The following PDE4C variants were observed in gnomAD, a reference collection of about 807,000 sequenced individuals.
PDE4C encodes phosphodiesterase 4C, also known as 3',5'-cyclic-AMP phosphodiesterase 4C.
Under a neutral mutation model 63.9 loss-of-function variants are expected in PDE4C, and 50 were observed. That is an observed-to-expected ratio of 0.78 (90% CI 0.62 to 0.99). PDE4C has a LOEUF of 0.99. PDE4C is among the 50% of genes least tolerant of loss of function. The probability of loss-of-function intolerance (pLI) is 0.00; values close to 1 mark genes in which losing one functional copy is unlikely to be tolerated. For synonymous variants in PDE4C, 377 were observed against 385.1 expected, an observed-to-expected ratio of 0.98 and a Z score of 0.25; for missense variants, 777 against 899.1, an observed-to-expected ratio of 0.86 and a Z score of 1.74.
At chr19:18,214,270 C>T (rs1404633835) in intron 12 of PDE4C, among the ~76,000 whole-genome samples, 1 of 151,614 alleles carries the variant, frequency 6.6e-6, no homozygotes, top group Non-Finnish European at 1.5e-5. Flanking sequence ...AAAAAAATAA[C>T]CCATCCTCTA....
At position 18,220,639 on chromosome 19, in the gene PDE4C, G is replaced by C; in HGVS notation, c.500-124C>G. On this transcript the variant is annotated intron_variant, in intron 5 of 14. Coordinates refer to ENST00000262805, the Ensembl canonical transcript of PDE4C. The surrounding 1 kb of genome is among the most constrained non-coding windows in gnomAD (Gnocchi z 5.1). ...CCACGGGGGCCACCCAGGACTCCTGGACCCAAGTTCCAGATCTGTTCCCCG... is the reference window on the plus strand; with the variant it reads ...CCACGGGGGCCACCCAGGACTCCTGCACCCAAGTTCCAGATCTGTTCCCCG... The C allele has an allele frequency of 2.2e-6, 2 of 895,674 alleles. No individual in the cohort carries two copies. The highest frequency in any genetic ancestry group is 2.4e-5 in the Admixed American group (1 of 42,492). The allele number at this position is 895,674 out of a possible 1,614,324, so 55.5% of individuals were successfully genotyped here.
chr19:18,253,815 G>C, the PDE4C span, among the ~76,000 whole-genome samples: 19 of 152,316 alleles, frequency 1.2e-4, no homozygotes, highest in Admixed American at 7.2e-4. Flanking sequence ...ACCAGGCTGA[G>C]GGCAGGTAAG....
At chr19:18,252,184 AG>A (rs1435426969), upstream of PDE4C, 10 of 398,788 alleles carry the variant, frequency 2.5e-5, no homozygotes, top group East Asian at 3.2e-4. Context: ...GAATGGGAAG[AG>A]GGGGTGAGCT....
chr19:18,220,619 G>A lies in PDE4C; in HGVS notation c.500-104C>T. 9.4e-7 allele frequency: 1 copy of A among 1,063,582 alleles called. No homozygotes were observed. The allele number at this position is 1,063,582 out of a possible 1,614,324, so 65.9% of individuals were successfully genotyped here. On this transcript the variant is annotated intron_variant, in intron 5 of 14. Transcript: ENST00000262805. The surrounding 1 kb of genome is among the most constrained non-coding windows in gnomAD (Gnocchi z 5.1). ...TCTGGACCCTGAAACTGTTCCCACG[G>A]GGGCCACCCAGGACTCCTGGACCCA...
intron 1 of PDE4C, among the ~76,000 whole-genome samples, chr19:18,247,794 C>T (rs972705794): frequency 5.3e-5 from 8 of 152,140 alleles, no homozygotes; most frequent in Non-Finnish European, 1.0e-4. Flanking sequence ...CTGTGGGACA[C>T]CCCCTAGACA....
chr19:18,209,419 T>C (rs566394933), downstream of PDE4C: 2 of 151,840 alleles, frequency 1.3e-5, no homozygotes, highest in South Asian at 2.1e-4. Flanking sequence ...CCCAGCTAAT[T>C]TGTGTATTTT....
intron 2 of PDE4C, 86 bp from the exon 3 acceptor site, chr19:18,221,383 T>C: frequency 7.4e-7 from 1 of 1,352,390 alleles, no homozygotes; most frequent in Admixed American, 2.7e-5. Flanking sequence ...GAGGGGGTCC[T>C]GCTCTCAGGA....
chr19:18,247,318 C>CAG (rs1268297849), intron 1 of PDE4C, among the ~76,000 whole-genome samples: 1 of 151,920 alleles, frequency 6.6e-6, no homozygotes, highest in Non-Finnish European at 1.5e-5. Flanking sequence ...GTGGTGGGGA[C>CAG]AGAGTCTCAC....
At chr19:18,214,659 A>G (rs1968110825) in intron 12 of PDE4C, among the ~76,000 whole-genome samples, 1 of 151,736 alleles carries the variant, frequency 6.6e-6, no homozygotes, top group African/African-American at 2.4e-5. Flanking sequence ...TAAAAACCAG[A>G]TTAACCCAGC....
At chr19:18,209,603 A>T (rs1345851933), downstream of PDE4C, 3 of 149,122 alleles carry the variant, frequency 2.0e-5, no homozygotes, top group Non-Finnish European at 4.5e-5. Flanking sequence ...GGCCAGGCTG[A>T]TTTTGAACTC....
At chr19:18,211,919 C>G in exon 14 of PDE4C, 1 of 1,614,196 alleles carries the variant, frequency 6.2e-7, no homozygotes, top group Non-Finnish European at 8.5e-7. Context: ...CAGATCAGCA[C>G]AGTGCACCAG....
chr19:18,247,160 C>T (rs568845399), intron 1 of PDE4C, among the ~76,000 whole-genome samples: 12 of 152,362 alleles, frequency 7.9e-5, no homozygotes, highest in African/African-American at 2.9e-4. Context: ...TGTCCAGGCA[C>T]AAGGGATCTC....
intron 1 of PDE4C, among the ~76,000 whole-genome samples, chr19:18,241,598 G>C (rs1969041355): frequency 6.6e-6 from 1 of 151,918 alleles, no homozygotes; most frequent in African/African-American, 2.4e-5. Flanking sequence ...ACCCAGGCTG[G>C]AGCGTGCAGT....
chr19:18,232,684 TCA>T (rs1968873744), intron 1 of PDE4C, among the ~76,000 whole-genome samples: 1 of 141,344 alleles, frequency 7.1e-6, no homozygotes, highest in Admixed American at 7.2e-5. Flanking sequence ...CACCCCAGTC[TCA>T]CGCGCGCGCG....
At chr19:18,244,792 A>T (rs977714149) in intron 1 of PDE4C, among the ~76,000 whole-genome samples, 2 of 150,252 alleles carry the variant, frequency 1.3e-5, no homozygotes, top group Non-Finnish European at 3.0e-5. Context: ...GATTACAGGC[A>T]TGAGCCACAG....
chr19:18,253,280 G>A, the PDE4C span, among the ~76,000 whole-genome samples: 1 of 152,330 alleles, frequency 6.6e-6, no homozygotes, highest in African/African-American at 2.4e-5. Context: ...CTACTGGGGA[G>A]GCTGAGGCGG....
At chr19:18,218,971 G>A (rs769991817) in exon 9 of PDE4C, 2 of 1,613,682 alleles carry the variant, frequency 1.2e-6, no homozygotes, top group Non-Finnish European at 1.7e-6. Flanking sequence ...AGCTGTGAGG[G>A]GCCGGTTCCC....
chr19:18,216,877 A>T, exon 12 of PDE4C: 1 of 1,613,440 alleles, frequency 6.2e-7, no homozygotes, highest in Non-Finnish European at 8.5e-7. Flanking sequence ...GTCGTTGTAC[A>T]TAAGCGCCAG....
Position 18,218,911 on chromosome 19 carries a change from TC to T in PDE4C, c.969+28del, listed in dbSNP as rs778779533. 1.0e-5 allele frequency: 16 copies of T among 1,531,312 alleles called. No individual in the cohort carries two copies. The African/African-American group carries it at 1.9e-4, about 18-fold the overall frequency. The allele number at this position is 1,531,312 out of a possible 1,614,324, so 94.9% of individuals were successfully genotyped here. ...CAGTGAGGGAAACCCCAGGAGTTTT[TC>T]CTTGGAAGCCAAGGGCAGGGTAGGT... On this transcript the variant is annotated intron_variant, in intron 9 of 14. Transcript: ENST00000262805.
Sources: gnomAD v4.1 joint callset for allele counts (sites outside exome capture counted in the v4.1 genomes callset) on GRCh38, gnomAD v4.1.1 for gene constraint, Gnocchi (gnomAD v3.1) non-coding constraint, MANE v1.5 for transcripts, NCBI Gene and HGNC (gene_info 2026-07-23, HGNC 2026-07-21) for gene names.